The following ADAM12 variants were observed in gnomAD, a reference collection of about 807,000 sequenced individuals.
ADAM12 encodes the protein disintegrin and metalloproteinase domain-containing protein 12.
In ADAM12, 70 loss-of-function variants were observed where a neutral mutation model predicts 106.4. That is an observed-to-expected ratio of 0.66 (90% CI 0.54 to 0.80). The LOEUF is 0.80. ADAM12 is among the 30% of genes least tolerant of loss of function. The pLI is 0.00. For missense variants in ADAM12, 1,010 were observed against 1,171.9 expected, an observed-to-expected ratio of 0.86 and a Z score of 2.02; for synonymous variants, 420 against 433.5, an observed-to-expected ratio of 0.97 and a Z score of 0.39.
chr10:126,099,852 AG>A (rs1273310021), intron 9 of ADAM12, among the ~76,000 whole-genome samples: 5 of 152,360 alleles, frequency 3.3e-5, no homozygotes, highest in South Asian at 4.1e-4. Context: ...TCTCTGTCCC[AG>A]AAGCTTTCCT....
intron 14 of ADAM12, among the ~76,000 whole-genome samples, chr10:126,057,960 A>G (rs1408657564): frequency 6.6e-6 from 1 of 152,202 alleles, no homozygotes; most frequent in Admixed American, 6.5e-5. Context: ...CATAAGATTG[A>G]ATCAGAGAGG....
intron 3 of ADAM12, among the ~76,000 whole-genome samples, chr10:126,258,655 C>A (rs561918152): frequency 6.6e-6 from 1 of 152,142 alleles, no homozygotes; most frequent in Non-Finnish European, 1.5e-5. Flanking sequence ...CCCTGGCATT[C>A]GGCCAGAGCC....
At chr10:126,115,914 A>G (rs1422199765) in intron 6 of ADAM12, among the ~76,000 whole-genome samples, 1 of 152,236 alleles carries the variant, frequency 6.6e-6, no homozygotes, top group Non-Finnish European at 1.5e-5. Context: ...TTCATTATAT[A>G]CATGCATTTT....
At chr10:126,141,610 C>T (rs1449120430) in intron 4 of ADAM12, among the ~76,000 whole-genome samples, 1 of 152,122 alleles carries the variant, frequency 6.6e-6, no homozygotes, top group Non-Finnish European at 1.5e-5. Context: ...GGAATAAGAA[C>T]TCTTGAACTT....
At chr10:126,235,088 C>T (rs994300772) in intron 3 of ADAM12, among the ~76,000 whole-genome samples, 10 of 152,170 alleles carry the variant, frequency 6.6e-5, no homozygotes, top group Admixed American at 2.0e-4. Context: ...GTCGTCTCCA[C>T]GTGGCACACA....
At chr10:126,251,598 T>TGG (rs1272047398) in intron 3 of ADAM12, among the ~76,000 whole-genome samples, 1,625 of 140,070 alleles carry the variant, frequency 0.012, no homozygotes, top group African/African-American at 0.027. Flanking sequence ...ACAGGATGGA[T>TGG]AGGATGGATG....
chr10:126,317,182 C>T (rs977068084), intron 2 of ADAM12, among the ~76,000 whole-genome samples: 1 of 152,152 alleles, frequency 6.6e-6, no homozygotes, highest in Non-Finnish European at 1.5e-5. Context: ...ACCCACAGCC[C>T]TTCTGAGGAG....
At position 126,049,312 on chromosome 10, in the gene ADAM12, C is replaced by T. The variant is rs758290774; in HGVS notation, c.1858G>A (p.Gly620Ser). ...ILCRGTHVYL[G>S]DDMPDPGLVL... ...AGCCCTGGGTCCGGCATGTCATCGC[C>T]CAAGTACACGTGGGTCCCCCGGCAC... The change falls in exon 16 of 23, where the codon GGC becomes AGC. Residue 620 changes from glycine (G) to serine (S), a missense_variant. Gly to Ser is a moderately conservative substitution (Grantham distance 56, BLOSUM62 0). Around this residue, in one of 3 missense-constraint regions of ADAM12, gnomAD observed 615 missense variants for 708.5 expected, o/e 0.87. Coordinates refer to ENST00000448723, the MANE Select transcript of ADAM12 (RefSeq NM_001288973.2). This position sits in a 1 kb window ranked among gnomAD's most constrained non-coding sequence, Gnocchi z 4.4. The T allele has an allele frequency of 2.5e-6, 4 of 1,614,116 alleles. No individual in the cohort carries two copies. Among genetic ancestry groups the T allele is most frequent in the Admixed American group, 3.3e-5 (2 of 60,010 alleles).
chr10:126,373,170 G>A (rs1856170083), intron 1 of ADAM12, among the ~76,000 whole-genome samples: 1 of 152,158 alleles, frequency 6.6e-6, no homozygotes, highest in Non-Finnish European at 1.5e-5. Flanking sequence ...AATCTTCTTT[G>A]TATACTAGAA....
intron 2 of ADAM12, among the ~76,000 whole-genome samples, chr10:126,298,779 A>G (rs1960489172): frequency 6.6e-6 from 1 of 152,226 alleles, no homozygotes; most frequent in Admixed American, 6.5e-5. Context: ...GATGCGGTAT[A>G]TTAAAAAGAG....
chr10:126,161,951 C>T (rs561387569), intron 3 of ADAM12, among the ~76,000 whole-genome samples: 2 of 152,312 alleles, frequency 1.3e-5, no homozygotes, highest in African/African-American at 4.8e-5. Context: ...TCTAACAAGG[C>T]ACTCTGCTTC....
intron 3 of ADAM12, 33 bp downstream of exon 3, chr10:126,278,882 C>T (rs1959410281): frequency 2.0e-6 from 3 of 1,523,308 alleles, no homozygotes; most frequent in African/African-American, 1.4e-5. Flanking sequence ...TCTTAACTTT[C>T]TCCTATCATG....
intron 5 of ADAM12, among the ~76,000 whole-genome samples, chr10:126,128,420 A>C (rs1956241140): frequency 6.6e-6 from 1 of 152,244 alleles, no homozygotes; most frequent in Non-Finnish European, 1.5e-5. Flanking sequence ...CTCAGGTGAC[A>C]ATAACATCTG....
At chr10:126,274,750 G>C (rs909113668) in intron 3 of ADAM12, among the ~76,000 whole-genome samples, 3 of 152,310 alleles carry the variant, frequency 2.0e-5, no homozygotes, top group Middle Eastern at 6.8e-3. Context: ...TTCAACATGG[G>C]TTGGGTCAAG....
rs182450999 is a variant in ADAM12, at chr10:126,165,536, T to C, written c.261-10231A>G. On this transcript the variant is annotated intron_variant, in intron 3 of 22. Transcript: ENST00000448723. ...CAGGGTAAGGACTGTAATTGCCTGC[T>C]TGATAAGGAAGAGGAAGCACTCAGA... is the stretch of plus-strand genomic sequence containing the variant. 5.5e-4 allele frequency among the ~76,000 whole-genome samples: 84 copies of C among 152,274 alleles called. 2 individuals carry two copies. Among genetic ancestry groups the C allele is most frequent in the African/African-American group, 1.9e-3 (78 of 41,560 alleles).
intron 3 of ADAM12, among the ~76,000 whole-genome samples, chr10:126,258,079 A>T (rs917183274): frequency 6.6e-6 from 1 of 152,176 alleles, no homozygotes; most frequent in African/African-American, 2.4e-5. Flanking sequence ...CCTGCTATAT[A>T]TCAAGCATAG....
At chr10:126,334,003 A>C (rs1205982963) in intron 1 of ADAM12, among the ~76,000 whole-genome samples, 2 of 152,204 alleles carry the variant, frequency 1.3e-5, no homozygotes, top group Non-Finnish European at 2.9e-5. Flanking sequence ...TTGGCTGCAC[A>C]ACAGCCCCTC....
At chr10:126,351,919 G>A (rs1190962099) in intron 1 of ADAM12, among the ~76,000 whole-genome samples, 3 of 151,994 alleles carry the variant, frequency 2.0e-5, no homozygotes, top group East Asian at 1.9e-4. Context: ...AAGTACTCTC[G>A]GGTCACTATA....
At chr10:126,127,442 T>G (rs1956224362) in intron 5 of ADAM12, among the ~76,000 whole-genome samples, 1 of 152,236 alleles carries the variant, frequency 6.6e-6, no homozygotes, top group Non-Finnish European at 1.5e-5. Flanking sequence ...AGGGCACATC[T>G]ATTCCTGCAC....
Sources: gnomAD v4.1 joint callset for allele counts (sites outside exome capture counted in the v4.1 genomes callset) on GRCh38, gnomAD v4.1.1 for gene constraint, gnomAD v4.1.1 regional missense constraint, Gnocchi (gnomAD v3.1) non-coding constraint, MANE v1.5 for transcripts, NCBI Gene and HGNC (gene_info 2026-07-23, HGNC 2026-07-21) for gene names.